Variants in POU2F3 observed in about 807,000 individuals in gnomAD.
The protein encoded by POU2F3 is POU domain, class 2, transcription factor 3.
In POU2F3, 23 loss-of-function variants were observed where a neutral mutation model predicts 59.2. The observed-to-expected ratio is 0.39, with a 90% confidence interval of 0.28 to 0.55. POU2F3 has a LOEUF of 0.55. Among genes scored for constraint, POU2F3 ranks in the 20% least tolerant of loss-of-function variants. The pLI, the probability that POU2F3 is intolerant of heterozygous loss-of-function variation, is 0.66. For synonymous variants in POU2F3, 190 were observed against 214.6 expected, an observed-to-expected ratio of 0.89 and a Z score of 1.00; for missense variants, 473 against 544.5, an observed-to-expected ratio of 0.87 and a Z score of 1.31.
chr11:120,312,132 A>AT (rs934234744), intron 10 of POU2F3, among the ~76,000 whole-genome samples: 8 of 151,798 alleles, frequency 5.3e-5, no homozygotes, highest in Non-Finnish European at 1.2e-4. Context: ...ATTTATTTTT[A>AT]TTTTTTTTGA....
At chr11:120,242,605 G>A (rs938280968) in intron 1 of POU2F3, among the ~76,000 whole-genome samples, 1 of 152,186 alleles carries the variant, frequency 6.6e-6, no homozygotes, top group African/African-American at 2.4e-5. Context: ...GGGGGAAGGA[G>A]GAGGAACAGG....
intron 3 of POU2F3, among the ~76,000 whole-genome samples, chr11:120,275,625 C>G (rs1374701003): frequency 6.6e-6 from 1 of 152,152 alleles, no homozygotes; most frequent in African/African-American, 2.4e-5. Flanking sequence ...GCTTGAAGAC[C>G]TCCCAAAAGT....
chr11:120,236,659 C>A (rs772766517), upstream of POU2F3: 1 of 1,495,540 alleles, frequency 6.7e-7, no homozygotes, highest in South Asian at 1.2e-5. Context: ...GCCCAGAGCT[C>A]AAAAAACCGG....
At chr11:120,291,554 T>C (rs964351350) in intron 3 of POU2F3, among the ~76,000 whole-genome samples, 5 of 152,210 alleles carry the variant, frequency 3.3e-5, no homozygotes, top group Admixed American at 3.3e-4. Flanking sequence ...CCAAACAACT[T>C]TGAAGAGTCT....
chr11:120,261,106 G>T (rs1939574726), intron 2 of POU2F3, among the ~76,000 whole-genome samples: 1 of 149,838 alleles, frequency 6.7e-6, no homozygotes, highest in South Asian at 2.2e-4. Flanking sequence ...TCTTGCCAGA[G>T]TGGGAAGAAA....
At chr11:120,302,443 C>T (rs919390455) in intron 6 of POU2F3, 75 bp downstream of exon 6, 7 of 1,424,494 alleles carry the variant, frequency 4.9e-6, no homozygotes, top group Non-Finnish European at 6.9e-6. Context: ...TGGTTTCCCC[C>T]TACCCCTTTA....
intron 8 of POU2F3, among the ~76,000 whole-genome samples, chr11:120,307,028 T>C (rs1941512388): frequency 6.6e-6 from 1 of 152,250 alleles, no homozygotes; most frequent in South Asian, 2.1e-4. Context: ...TGTCACCAAG[T>C]GCCATTGCTT....
In POU2F3 at chr11:120,317,356, C is replaced by T. The variant is rs773811128; in HGVS notation, c.1263C>T (p.Asn421=). Residue 421 remains asparagine (N), a synonymous_variant, in exon 12 of 13, where the codon AAC becomes AAT. Coordinates refer to ENST00000543440, the MANE Select transcript of POU2F3 (RefSeq NM_014352.4). ...KAAVNSASSF[N]SSGSWYRWNH... is the part of the protein sequence containing the mutation. ...CAGTGAACTCCGCCTCCAGTTTTAACTCTTCAGGGTAAGGTGAAGGGGACG... is the reference window on the plus strand; with the variant it reads ...CAGTGAACTCCGCCTCCAGTTTTAATTCTTCAGGGTAAGGTGAAGGGGACG... 8 of 1,614,058 alleles carry T rather than the reference C, an allele frequency of 5.0e-6. No individual in the cohort carries two copies. Among genetic ancestry groups the T allele is most frequent in the Admixed American group, 1.7e-5 (1 of 59,998 alleles).
At chr11:120,299,564 ATGGGGCTGATGTCCCCAGCT>A in intron 4 of POU2F3, 40 bp from the exon 5 acceptor site, 2 of 1,479,220 alleles carry the variant, frequency 1.4e-6, no homozygotes, top group South Asian at 2.5e-5. Flanking sequence ...TGGCAGGCAG[ATGGGGCTGATGTCCCCAGCT>A]TGTAAATTCT....
intron 6 of POU2F3, chr11:120,303,664 C>G (rs1941406486): frequency 6.6e-6 from 1 of 152,208 alleles, no homozygotes; most frequent in Non-Finnish European, 1.5e-5. Context: ...CTCACACACC[C>G]TCTCCCTGCA....
chr11:120,262,019 C>T (rs948413424), intron 2 of POU2F3, among the ~76,000 whole-genome samples: 4 of 152,218 alleles, frequency 2.6e-5, no homozygotes, highest in Non-Finnish European at 5.9e-5. Context: ...TTCCCCACAG[C>T]TTCTACCATT....
chr11:120,289,149 T>A (rs1591421224), intron 3 of POU2F3, among the ~76,000 whole-genome samples: 1 of 152,210 alleles, frequency 6.6e-6, no homozygotes, highest in South Asian at 2.1e-4. Flanking sequence ...CATCTGTGAT[T>A]AGCAGTTTGG....
chr11:120,261,948 G>T (rs1379658828), intron 2 of POU2F3, among the ~76,000 whole-genome samples: 1 of 152,208 alleles, frequency 6.6e-6, no homozygotes, highest in Admixed American at 6.5e-5. Context: ...GACGCTGCAG[G>T]TTTCACTGTG....
chr11:120,278,196 C>A (rs1444141842), intron 3 of POU2F3, among the ~76,000 whole-genome samples: 1 of 152,200 alleles, frequency 6.6e-6, no homozygotes, highest in Non-Finnish European at 1.5e-5. Context: ...TTCACCGACA[C>A]AGATGTCCGG....
chr11:120,249,011 C>T (rs1938988698), intron 2 of POU2F3, among the ~76,000 whole-genome samples: 1 of 152,194 alleles, frequency 6.6e-6, no homozygotes, highest in Non-Finnish European at 1.5e-5. Flanking sequence ...GTGAAATCCC[C>T]AAGGGGTACT....
chr11:120,315,080 A>C lies in POU2F3; in HGVS notation c.1069-281A>C, dbSNP rs181265050. Among the ~76,000 whole-genome samples, 282 of 152,336 alleles carry C rather than the reference A, an allele frequency of 1.9e-3. 1 individual carries two copies. Among genetic ancestry groups the C allele is most frequent in the Non-Finnish European group, 3.3e-3 (227 of 68,024 alleles). ...CAGGCAAGGCAGCCTTCGGCTTGGC[A>C]GTGTCAAAGAAACCTTATCAGGCAA... On this transcript the variant is annotated intron_variant, in intron 10 of 12. Transcript: ENST00000543440.
intron 3 of POU2F3, among the ~76,000 whole-genome samples, chr11:120,287,605 C>T (rs1940830689): frequency 6.6e-6 from 1 of 152,204 alleles, no homozygotes; most frequent in Non-Finnish European, 1.5e-5. Flanking sequence ...TCCACTCAGC[C>T]TTTTGGTAAC....
At chr11:120,312,623 T>C (rs1246628665) in intron 10 of POU2F3, among the ~76,000 whole-genome samples, 3 of 152,212 alleles carry the variant, frequency 2.0e-5, no homozygotes, top group Admixed American at 6.5e-5. Context: ...TATTCATTCA[T>C]TATTTCTTCC....
At chr11:120,294,881 C>G (rs1941146184) in intron 3 of POU2F3, among the ~76,000 whole-genome samples, 1 of 152,056 alleles carries the variant, frequency 6.6e-6, no homozygotes, top group Non-Finnish European at 1.5e-5. Flanking sequence ...ATCAGCACTT[C>G]ACACCCAGAA....
Sources: allele counts gnomAD v4.1 joint callset (sites outside exome capture counted in the v4.1 genomes callset), GRCh38; gene constraint gnomAD v4.1.1; transcripts MANE v1.5; gene names NCBI Gene and HGNC (gene_info 2026-07-23, HGNC 2026-07-21).